CLYBL: variants seen among roughly 807,000 people sequenced by gnomAD.
CLYBL encodes the protein citramalyl-CoA lyase, mitochondrial.
Under a neutral mutation model 38.9 loss-of-function variants are expected in CLYBL, and 31 were observed. That is an observed-to-expected ratio of 0.80 (90% confidence interval 0.60 to 1.08). The LOEUF (loss-of-function observed/expected upper bound fraction) is 1.08, where lower values mean the gene tolerates loss of function less well. Ranked by LOEUF, CLYBL falls within the 50% of genes least tolerant of loss-of-function variation. CLYBL has a pLI of 0.00. For synonymous variants in CLYBL, 171 were observed against 158.6 expected, an observed-to-expected ratio of 1.08 and a Z score of -0.59; for missense variants, 434 against 411.6, an observed-to-expected ratio of 1.05 and a Z score of -0.47.
intron 1 of CLYBL, among the ~76,000 whole-genome samples, chr13:99,712,738 T>G (rs1327320274): frequency 6.6e-6 from 1 of 152,158 alleles, no homozygotes; most frequent in African/African-American, 2.4e-5. Flanking sequence ...TACTTTTGAT[T>G]TTGTTTTTAA....
intron 2 of CLYBL, among the ~76,000 whole-genome samples, chr13:99,776,119 G>A (rs572997898): frequency 1.0e-4 from 15 of 150,502 alleles, no homozygotes; most frequent in South Asian, 2.1e-4. Context: ...AGCCGAGATC[G>A]TGCCACTGCA....
chr13:99,855,462 G>A (rs1311711177), intron 2 of CLYBL, among the ~76,000 whole-genome samples: 1 of 152,120 alleles, frequency 6.6e-6, no homozygotes, highest in Non-Finnish European at 1.5e-5. Context: ...GGATATTGGA[G>A]GGATGGTCAG....
chr13:99,632,179 C>T (rs1259578454), intron 1 of CLYBL, among the ~76,000 whole-genome samples: 3 of 152,164 alleles, frequency 2.0e-5, no homozygotes, highest in African/African-American at 7.2e-5. Flanking sequence ...CTACAGAGGG[C>T]ACAAACACCC....
In CLYBL at chr13:99,865,588, A is replaced by G. The variant is rs1405996227; in HGVS notation, c.635-652A>G. 6.6e-6 allele frequency among the ~76,000 whole-genome samples: 1 copy of G among 152,192 alleles called. No individual in the cohort carries two copies. The highest frequency in any genetic ancestry group is 1.5e-5 in the Non-Finnish European group (1 of 68,034). On this transcript the variant is annotated intron_variant, in intron 5 of 8. Transcript: ENST00000339105. This position sits in a 1 kb window ranked among gnomAD's most constrained non-coding sequence, Gnocchi z 4.7. Reference sequence around the variant, plus strand: ...CCTAGGCAGGGAGTGGCATGTTCCAAATGTAAACAGGGACACTTCCCTCCC... The same window carrying G: ...CCTAGGCAGGGAGTGGCATGTTCCAGATGTAAACAGGGACACTTCCCTCCC...
chr13:99,851,093 C>T (rs1283913406), intron 2 of CLYBL, among the ~76,000 whole-genome samples: 4 of 152,078 alleles, frequency 2.6e-5, no homozygotes, highest in Non-Finnish European at 4.4e-5. Context: ...TGGAAATAGG[C>T]CAGGTGTGGT....
At chr13:99,745,449 G>A (rs560585182) in intron 1 of CLYBL, among the ~76,000 whole-genome samples, 3 of 151,964 alleles carry the variant, frequency 2.0e-5, no homozygotes, top group Non-Finnish European at 4.4e-5. Flanking sequence ...TTGCTGTGTG[G>A]TACTGAATTA....
chr13:99,849,052 T>C lies in CLYBL; in HGVS notation c.250-9809T>C, dbSNP rs1053283885. Among the ~76,000 whole-genome samples the C allele has an allele frequency of 4.6e-5, 7 of 151,476 alleles. No individual in the cohort carries two copies. The highest frequency in any genetic ancestry group is 2.0e-4 in the Admixed American group (3 of 15,196). ...TACTTGGGAGGCTGAGGCTGGAGAA[T>C]CGCTTGAACCCAGGAGGTGGAGGCT... On this transcript the variant is annotated intron_variant, in intron 2 of 8. Coordinates refer to ENST00000339105, the MANE Select transcript of CLYBL (RefSeq NM_206808.5). The surrounding 1 kb of genome is among the most constrained non-coding windows in gnomAD (Gnocchi z 4.9).
chr13:99,880,532 A>C (rs1184928457), intron 7 of CLYBL, among the ~76,000 whole-genome samples: 1 of 152,226 alleles, frequency 6.6e-6, no homozygotes, highest in Admixed American at 6.5e-5. Flanking sequence ...ATGGAGCCCA[A>C]AGTCCACATC....
intron 2 of CLYBL, among the ~76,000 whole-genome samples, chr13:99,790,266 T>C (rs2049888131): frequency 2.0e-5 from 3 of 152,192 alleles, no homozygotes; most frequent in Admixed American, 2.0e-4. Context: ...ATTTTGCCTG[T>C]TAGTTGATGC....
chr13:99,827,695 C>G (rs551979308), intron 2 of CLYBL, among the ~76,000 whole-genome samples: 2 of 152,206 alleles, frequency 1.3e-5, no homozygotes, highest in Admixed American at 1.3e-4. Context: ...TTCTGCATGC[C>G]GTGCAAAGCT....
At chr13:99,895,338 C>T (rs529036432), downstream of CLYBL, 1 of 152,346 alleles carries the variant, frequency 6.6e-6, no homozygotes, top group East Asian at 1.9e-4. Context: ...TCCTCTAGTA[C>T]TAGAAAAGCA....
intron 1 of CLYBL, among the ~76,000 whole-genome samples, chr13:99,632,770 A>C (rs895544333): frequency 6.6e-6 from 1 of 151,928 alleles, no homozygotes; most frequent in Non-Finnish European, 1.5e-5. Flanking sequence ...AAACAAAAAA[A>C]CCCCACTAGA....
At chr13:99,889,193 C>T (rs1434860623) in intron 7 of CLYBL, among the ~76,000 whole-genome samples, 1 of 152,220 alleles carries the variant, frequency 6.6e-6, no homozygotes, top group African/African-American at 2.4e-5. Flanking sequence ...CGTTTGGATT[C>T]TCTGCGCACC....
intron 1 of CLYBL, among the ~76,000 whole-genome samples, chr13:99,651,992 G>A (rs2047261258): frequency 6.6e-6 from 1 of 152,204 alleles, no homozygotes; most frequent in South Asian, 2.1e-4. Context: ...TTGGCAAGAG[G>A]GGGTTTTCCT....
At chr13:99,889,814 C>T (rs1172845836) in intron 7 of CLYBL, among the ~76,000 whole-genome samples, 1 of 152,200 alleles carries the variant, frequency 6.6e-6, no homozygotes, top group East Asian at 1.9e-4. Context: ...CCCAGCACTC[C>T]TGTCCCGGCA....
At chr13:99,618,048 C>A (rs115245920) in intron 1 of CLYBL, among the ~76,000 whole-genome samples, 1 of 152,098 alleles carries the variant, frequency 6.6e-6, no homozygotes, top group Admixed American at 6.5e-5. Flanking sequence ...GTTTATTGTC[C>A]GCCTGTATCC....
chr13:99,708,975 C>A (rs1329785856), intron 1 of CLYBL, among the ~76,000 whole-genome samples: 1 of 152,112 alleles, frequency 6.6e-6, no homozygotes, highest in South Asian at 2.1e-4. Context: ...CACCTGTAGT[C>A]CCAGCTACTC....
chr13:99,763,170 G>T (rs1416654108), intron 1 of CLYBL, among the ~76,000 whole-genome samples: 1 of 151,826 alleles, frequency 6.6e-6, no homozygotes, highest in Non-Finnish European at 1.5e-5. Context: ...TTTTTCTCTT[G>T]CCTAATTGCT....
chr13:99,621,288 A>G (rs2046792522), intron 1 of CLYBL, among the ~76,000 whole-genome samples: 2 of 151,674 alleles, frequency 1.3e-5, no homozygotes, highest in South Asian at 4.2e-4. Context: ...CCTATCCTCC[A>G]TCTTTCCATT....
Sources: gnomAD v4.1 joint callset for allele counts (sites outside exome capture counted in the v4.1 genomes callset) on GRCh38, gnomAD v4.1.1 for gene constraint, Gnocchi (gnomAD v3.1) non-coding constraint, MANE v1.5 for transcripts, NCBI Gene and HGNC (gene_info 2026-07-23, HGNC 2026-07-21) for gene names.